GMDS: variants seen among roughly 807,000 people sequenced by gnomAD.
GMDS encodes the protein GDP-mannose 4,6 dehydratase.
A neutral mutation model predicts 49.9 loss-of-function variants in GMDS; 20 were observed. The ratio of observed to expected loss-of-function variants is 0.40; its 90% confidence interval spans 0.28 to 0.58. The LOEUF (loss-of-function observed/expected upper bound fraction) is 0.58, where lower values mean the gene tolerates loss of function less well. Ranked by LOEUF, GMDS falls within the 20% of genes least tolerant of loss-of-function variation. The probability of loss-of-function intolerance (pLI) is 0.42; values close to 1 mark genes in which losing one functional copy is unlikely to be tolerated. For synonymous variants in GMDS, 177 were observed against 178.6 expected, an observed-to-expected ratio of 0.99 and a Z score of 0.07; for missense variants, 362 against 481.4, an observed-to-expected ratio of 0.75 and a Z score of 2.32.
chr6:1,987,807 C>A (rs568019454), intron 4 of GMDS, among the ~76,000 whole-genome samples: 243 of 152,286 alleles, frequency 1.6e-3, no homozygotes, highest in African/African-American at 5.7e-3. Context: ...TGAAATTTGC[C>A]ATGTGCCAGG....
At chr6:2,222,186 A>G (rs1177917847) in intron 1 of GMDS, among the ~76,000 whole-genome samples, 1 of 152,232 alleles carries the variant, frequency 6.6e-6, no homozygotes, top group East Asian at 1.9e-4. Context: ...TCATTAGACC[A>G]GCACTCACTG....
chr6:1,924,091 C>T (rs1039478093), intron 7 of GMDS, among the ~76,000 whole-genome samples: 6 of 152,198 alleles, frequency 3.9e-5, no homozygotes, highest in South Asian at 2.1e-4. Flanking sequence ...AGCATAGGTT[C>T]GGCAAGATCT....
intron 1 of GMDS, among the ~76,000 whole-genome samples, chr6:2,228,351 A>G (rs1780913914): frequency 6.6e-6 from 1 of 151,390 alleles, no homozygotes; most frequent in Non-Finnish European, 1.5e-5. Flanking sequence ...CTTTATAAGC[A>G]CTCTCCTTTT....
intron 7 of GMDS, among the ~76,000 whole-genome samples, chr6:1,802,642 C>A (rs567064345): frequency 6.4e-4 from 98 of 152,324 alleles, no homozygotes; most frequent in African/African-American, 2.3e-3. Flanking sequence ...TAGGCCTGGG[C>A]GAGTCTGCCC....
chr6:2,012,632 A>AT (rs1460563385), intron 4 of GMDS, among the ~76,000 whole-genome samples: 1 of 151,868 alleles, frequency 6.6e-6, no homozygotes, highest in Non-Finnish European at 1.5e-5. Flanking sequence ...ATTCTTTTTT[A>AT]TTTTTTTTCT....
chr6:2,016,004 G>A (rs1294535590), intron 4 of GMDS, among the ~76,000 whole-genome samples: 8 of 147,552 alleles, frequency 5.4e-5, no homozygotes, highest in East Asian at 3.9e-4. Context: ...TTGGGAGGCC[G>A]AGGCAGGCAG....
intron 9 of GMDS, among the ~76,000 whole-genome samples, chr6:1,714,909 G>C (rs1244361841): frequency 1.3e-5 from 2 of 152,274 alleles, no homozygotes; most frequent in African/African-American, 4.8e-5. Context: ...TGCAGTGGCT[G>C]TAATATGGCA....
chr6:2,239,988 C>T (rs1253824631), intron 1 of GMDS, among the ~76,000 whole-genome samples: 3 of 152,180 alleles, frequency 2.0e-5, no homozygotes, highest in African/African-American at 7.2e-5. Flanking sequence ...TGTGAGCCAC[C>T]ACGCCCAGCC....
chr6:1,799,716 A>G lies in GMDS; in HGVS notation c.772-57130T>C, dbSNP rs906877561. Among the ~76,000 whole-genome samples the G allele has an allele frequency of 2.1e-4, 32 of 152,158 alleles. 1 individual carries two copies. Among genetic ancestry groups the G allele is most frequent in the Non-Finnish European group, 5.9e-5 (4 of 68,028 alleles). ...CTCCAGAGAAGATGACTCTTGATAT[A>G]TGCATATGCTACCCATTTAATGCTG... is the stretch of plus-strand genomic sequence containing the variant. On this transcript the variant is annotated intron_variant, in intron 7 of 10. Coordinates refer to ENST00000380815, the MANE Select transcript of GMDS (RefSeq NM_001500.4).
intron 7 of GMDS, among the ~76,000 whole-genome samples, chr6:1,749,819 A>T (rs1767653390): frequency 6.6e-6 from 1 of 152,036 alleles, no homozygotes; most frequent in African/African-American, 2.4e-5. Flanking sequence ...ATGTCATGGT[A>T]TCTGTCTCAA....
intron 7 of GMDS, among the ~76,000 whole-genome samples, chr6:1,779,934 C>T (rs1442475244): frequency 6.6e-6 from 1 of 152,204 alleles, no homozygotes; most frequent in African/African-American, 2.4e-5. Flanking sequence ...ATCACCTTTC[C>T]CAAATCCTGC....
intron 7 of GMDS, among the ~76,000 whole-genome samples, chr6:1,796,074 A>G (rs1046573431): frequency 2.6e-5 from 4 of 152,178 alleles, no homozygotes; most frequent in Admixed American, 2.6e-4. Flanking sequence ...CCATGTAAGC[A>G]CAGGGTTGTG....
At chr6:1,888,595 C>G (rs1759726823) in intron 7 of GMDS, among the ~76,000 whole-genome samples, 1 of 152,146 alleles carries the variant, frequency 6.6e-6, no homozygotes, top group Admixed American at 6.5e-5. Context: ...CATTCTGCCC[C>G]TGGTCTCTCC....
chr6:1,916,915 AACG>A (rs1761434519), intron 7 of GMDS, among the ~76,000 whole-genome samples: 1 of 152,034 alleles, frequency 6.6e-6, no homozygotes, highest in Non-Finnish European at 1.5e-5. Flanking sequence ...GATCAAATGA[AACG>A]ACTTCTGTTA....
At chr6:1,752,230 G>C (rs1014718867) in intron 7 of GMDS, among the ~76,000 whole-genome samples, 2 of 151,250 alleles carry the variant, frequency 1.3e-5, no homozygotes, top group Non-Finnish European at 2.9e-5. Context: ...TGAGAACTTC[G>C]TGAAGCATAC....
chr6:2,212,707 T>TAAAAAAAAAAAAA (rs35503764), intron 1 of GMDS, among the ~76,000 whole-genome samples: 1 of 113,582 alleles, frequency 8.8e-6, no homozygotes, highest in South Asian at 2.8e-4. Context: ...GATTAACTTG[T>TAAAAAAAAAAAAA]AAAAAAAAAA....
intron 9 of GMDS, among the ~76,000 whole-genome samples, chr6:1,715,651 G>A (rs773601597): frequency 2.7e-4 from 41 of 152,328 alleles, no homozygotes; most frequent in Admixed American, 2.4e-3. Flanking sequence ...AATACTCATC[G>A]TTATGTTGTA....
intron 4 of GMDS, among the ~76,000 whole-genome samples, chr6:2,052,504 G>T (rs1023713479): frequency 3.9e-5 from 6 of 152,186 alleles, no homozygotes; most frequent in Non-Finnish European, 5.9e-5. Flanking sequence ...AGAGAATATG[G>T]CTCTTTCATG....
intron 1 of GMDS, among the ~76,000 whole-genome samples, chr6:2,196,914 T>C: frequency 6.6e-6 from 1 of 152,116 alleles, no homozygotes; most frequent in Admixed American, 6.5e-5. Flanking sequence ...ACAGGAGCCA[T>C]GACAATTCTA....
Sources: gnomAD v4.1 joint callset for allele counts (sites outside exome capture counted in the v4.1 genomes callset) on GRCh38, gnomAD v4.1.1 for gene constraint, MANE v1.5 for transcripts, NCBI Gene and HGNC (gene_info 2026-07-23, HGNC 2026-07-21) for gene names.